Variants in RIN2 observed in about 807,000 individuals in gnomAD.
RIN2 encodes Ras and Rab interactor 2.
RIN2 carries 36 observed loss-of-function variants against 78.0 expected under a neutral mutation model. That is an observed-to-expected ratio of 0.46 (90% confidence interval 0.35 to 0.61). The LOEUF (loss-of-function observed/expected upper bound fraction) is 0.61, where lower values mean the gene tolerates loss of function less well. Among genes scored for constraint, RIN2 ranks in the 20% least tolerant of loss-of-function variants. RIN2 has a pLI of 0.00. For missense variants in RIN2, 1,087 were observed against 1,159.7 expected (o/e 0.94, Z 0.91); for synonymous variants, 466 against 466.8 (o/e 1.00, Z 0.02).
chr20:19,841,308 T>A (rs567023925), intron 2 of RIN2, among the ~76,000 whole-genome samples: 2 of 152,170 alleles, frequency 1.3e-5, no homozygotes, highest in African/African-American at 2.4e-5. Flanking sequence ...AGGACTTTAC[T>A]GTGATTTTTT....
chr20:19,876,523 C>T (rs1433969758), intron 2 of RIN2, among the ~76,000 whole-genome samples: 8 of 152,160 alleles, frequency 5.3e-5, no homozygotes, highest in Non-Finnish European at 7.3e-5. Flanking sequence ...AGGGAGGGCT[C>T]ATGTAGAGAG....
rs7264127 is a variant in RIN2 at position 19,839,404 on chromosome 20, G to A, written c.-37+39657G>A. Among the ~76,000 whole-genome samples the A allele has an allele frequency of 1.0e-2, 1,517 of 152,288 alleles. 24 individuals are homozygous for A. The highest frequency in any genetic ancestry group is 0.035 in the African/African-American group (1,434 of 41,564). ...CAGCCACAGTGTGGCGACTGAGCAGGACCTGCTGCCCACATTTTGCAGATG... is the reference window on the plus strand; with the variant it reads ...CAGCCACAGTGTGGCGACTGAGCAGAACCTGCTGCCCACATTTTGCAGATG... On this transcript the variant is annotated intron_variant, in intron 2 of 12. Transcript: ENST00000255006.
At chr20:19,820,988 TTGTGAGCTGG>T (rs888514219) in intron 2 of RIN2, among the ~76,000 whole-genome samples, 5 of 152,208 alleles carry the variant, frequency 3.3e-5, no homozygotes, top group Admixed American at 1.3e-4. Flanking sequence ...TAACTGGCTC[TTGTGAGCTGG>T]TGTGAGCTGG....
intron 1 of RIN2, among the ~76,000 whole-genome samples, chr20:19,784,598 T>C (rs1250856308): frequency 1.3e-5 from 2 of 152,126 alleles, no homozygotes; most frequent in African/African-American, 4.8e-5. Context: ...ATAAAACCAT[T>C]GTTTACACAA....
At chr20:19,968,637 C>T (rs2042012036) in intron 7 of RIN2, among the ~76,000 whole-genome samples, 1 of 152,186 alleles carries the variant, frequency 6.6e-6, no homozygotes, top group South Asian at 2.1e-4. Flanking sequence ...ATTAAGAAAA[C>T]CCCAAACCAG....
intron 3 of RIN2, among the ~76,000 whole-genome samples, chr20:19,917,749 C>T (rs2039745409): frequency 7.1e-6 from 1 of 139,874 alleles, no homozygotes; most frequent in South Asian, 2.4e-4. Context: ...ATATACTGTA[C>T]ATCTCAAGAA....
chr20:19,895,203 G>A (rs938464300), intron 3 of RIN2, among the ~76,000 whole-genome samples: 1 of 152,122 alleles, frequency 6.6e-6, no homozygotes, highest in Non-Finnish European at 1.5e-5. Flanking sequence ...ATGTATGAAG[G>A]CCTAGCTGTA....
chr20:19,894,457 G>T (rs1452788807), intron 3 of RIN2, among the ~76,000 whole-genome samples: 2 of 151,954 alleles, frequency 1.3e-5, no homozygotes, highest in African/African-American at 4.8e-5. Flanking sequence ...TCTCTGTGTT[G>T]TCCAGGCTGG....
chr20:19,905,995 CACAA>C (rs3059678), intron 3 of RIN2, among the ~76,000 whole-genome samples: 4 of 151,692 alleles, frequency 2.6e-5, no homozygotes, highest in East Asian at 2.0e-4. Flanking sequence ...ATCTCTATTT[CACAA>C]ACAAACAAAC....
chr20:19,844,670 C>T (rs866351540), intron 2 of RIN2, among the ~76,000 whole-genome samples: 45 of 40,542 alleles, frequency 1.1e-3, no homozygotes, highest in African/African-American at 4.4e-3. Flanking sequence ...CTTCTTCTTC[C>T]TTCTTCTTCT....
intron 3 of RIN2, among the ~76,000 whole-genome samples, chr20:19,927,777 TG>T (rs2040284734): frequency 6.6e-6 from 1 of 152,140 alleles, no homozygotes; most frequent in South Asian, 2.1e-4. Context: ...CTCAAACTCC[TG>T]GGCTCAAGTG....
chr20:19,824,017 G>C (rs1038757014), intron 2 of RIN2: 1 of 898,280 alleles, frequency 1.1e-6, no homozygotes, highest in Non-Finnish European at 1.7e-6. Context: ...CCTCCTCCGA[G>C]CCGAAAGCCG....
intron 2 of RIN2, among the ~76,000 whole-genome samples, chr20:19,834,334 C>T (rs1370320162): frequency 1.3e-5 from 2 of 152,186 alleles, no homozygotes; most frequent in Non-Finnish European, 2.9e-5. Flanking sequence ...GTGGAAGCTG[C>T]CTATGGGTGA....
chr20:19,897,275 T>G (rs2038775882), intron 3 of RIN2, among the ~76,000 whole-genome samples: 1 of 152,060 alleles, frequency 6.6e-6, no homozygotes, highest in South Asian at 2.1e-4. Context: ...CCCAGCTAAC[T>G]TTTTTGGATT....
In RIN2 at chr20:19,798,770, A is replaced by G. The variant is rs141928221; in HGVS notation, c.-162-852A>G. Among the ~76,000 whole-genome samples the G allele has an allele frequency of 9.8e-3, 1,489 of 152,328 alleles. 21 individuals are homozygous for G. The highest frequency in any genetic ancestry group is 0.034 in the African/African-American group (1,415 of 41,558). ...TATAGGAGTTAATGGTGATGGTCAA[A>G]GGGAACTTGAGCTTTGATCTAATAT... On this transcript the variant is annotated intron_variant, in intron 1 of 12. Transcript: ENST00000255006.
chr20:19,955,052 A>G (rs1435905108), intron 4 of RIN2, among the ~76,000 whole-genome samples: 5 of 152,222 alleles, frequency 3.3e-5, no homozygotes, highest in Non-Finnish European at 7.3e-5. Context: ...CTCTAATACC[A>G]GAACATTTCC....
chr20:19,767,746 G>T (rs536312555), intron 1 of RIN2, among the ~76,000 whole-genome samples: 1 of 151,900 alleles, frequency 6.6e-6, no homozygotes, highest in Non-Finnish European at 1.5e-5. Context: ...CCAACATGGC[G>T]AAACCCTGTC....
chr20:19,904,727 C>T (rs572841808), intron 3 of RIN2, among the ~76,000 whole-genome samples: 3 of 152,136 alleles, frequency 2.0e-5, no homozygotes, highest in East Asian at 1.9e-4. Context: ...CTATCGGAAG[C>T]GGTGATGGGT....
intron 2 of RIN2, among the ~76,000 whole-genome samples, chr20:19,844,160 A>C (rs899025352): frequency 2.0e-5 from 3 of 152,148 alleles, no homozygotes; most frequent in South Asian, 4.1e-4. Flanking sequence ...TTTGGCTGGC[A>C]AGATTGGAAA....
Sources: gnomAD v4.1 joint callset for allele counts (sites outside exome capture counted in the v4.1 genomes callset) on GRCh38, gnomAD v4.1.1 for gene constraint, MANE v1.5 for transcripts, NCBI Gene and HGNC (gene_info 2026-07-23, HGNC 2026-07-21) for gene names.